Variants in DLGAP1 observed in about 807,000 individuals in gnomAD.
DLGAP1 encodes the protein disks large-associated protein 1.
A neutral mutation model predicts 90.8 loss-of-function variants in DLGAP1; 11 were observed. The ratio of observed to expected loss-of-function variants is 0.12; its 90% CI spans 0.08 to 0.20. The LOEUF (loss-of-function observed/expected upper bound fraction) is 0.20, where lower values mean the gene tolerates loss of function less well. Among genes scored for constraint, DLGAP1 ranks in the 10% least tolerant of loss-of-function variants. The pLI, the probability that DLGAP1 is intolerant of heterozygous loss-of-function variation, is 1.00. For synonymous variants in DLGAP1, 558 were observed against 540.7 expected (o/e 1.03, Z -0.44); for missense variants, 1,050 against 1,333.8 (o/e 0.79, Z 3.31).
At chr18:3,695,320 GT>G (rs1448365203) in intron 7 of DLGAP1, among the ~76,000 whole-genome samples, 3 of 152,098 alleles carry the variant, frequency 2.0e-5, no homozygotes, top group Non-Finnish European at 4.4e-5. Context: ...TTCTTCTAGA[GT>G]TTTTACGGTT....
intron 5 of DLGAP1, among the ~76,000 whole-genome samples, chr18:3,791,972 T>C (rs1203734876): frequency 6.6e-6 from 1 of 152,132 alleles, no homozygotes; most frequent in Non-Finnish European, 1.5e-5. Context: ...AGCAAAGTAA[T>C]GTGTTAATCC....
chr18:4,321,131 T>C (rs951838278), intron 1 of DLGAP1, among the ~76,000 whole-genome samples: 13 of 152,214 alleles, frequency 8.5e-5, no homozygotes, highest in African/African-American at 3.1e-4. Context: ...AAAAACATCA[T>C]TTTCCATATG....
At chr18:3,773,416 A>G (rs1256058230) in intron 5 of DLGAP1, among the ~76,000 whole-genome samples, 1 of 152,250 alleles carries the variant, frequency 6.6e-6, no homozygotes, top group East Asian at 1.9e-4. Flanking sequence ...CAGTAGATAA[A>G]TATTTATGGA....
At chr18:3,876,883 A>G (rs1476329609) in intron 4 of DLGAP1, among the ~76,000 whole-genome samples, 2 of 152,216 alleles carry the variant, frequency 1.3e-5, no homozygotes, top group Non-Finnish European at 2.9e-5. Flanking sequence ...TTCTCATTTT[A>G]CTGAAAAACT....
intron 3 of DLGAP1, among the ~76,000 whole-genome samples, chr18:3,937,007 G>T (rs1319351546): frequency 6.6e-6 from 1 of 152,176 alleles, no homozygotes; most frequent in Admixed American, 6.5e-5. Flanking sequence ...AACTAATGGA[G>T]GAGCACGTGG....
In DLGAP1 at chr18:4,093,706, G is replaced by A. The variant is rs374404573; in HGVS notation, c.-159+57474C>T. 1.6e-3 allele frequency among the ~76,000 whole-genome samples: 245 copies of A among 152,246 alleles called. 2 individuals carry two copies. In the South Asian group the frequency reaches 0.027, roughly 17 times the overall value. On this transcript the variant is annotated intron_variant, in intron 2 of 12. Coordinates refer to ENST00000315677, the MANE Select transcript of DLGAP1 (RefSeq NM_004746.4). ...GTGTCTGTTACTCACTGAATAGTTA[G>A]GGGCATGGTAGCTGTTCTCTTCCTC...
intron 4 of DLGAP1, chr18:3,878,075 C>T (rs939374647): frequency 6.6e-6 from 1 of 152,020 alleles, no homozygotes; most frequent in African/African-American, 2.4e-5. Flanking sequence ...AAGATGAACT[C>T]CTCAAAGGAA....
intron 7 of DLGAP1, among the ~76,000 whole-genome samples, chr18:3,609,167 C>CAG (rs2057473561): frequency 2.0e-5 from 2 of 98,398 alleles, no homozygotes; most frequent in Non-Finnish European, 4.7e-5. Context: ...CCTCAGCCTC[C>CAG]CAAGTAGCTG....
chr18:3,710,618 A>G (rs1241121356), intron 7 of DLGAP1, among the ~76,000 whole-genome samples: 2 of 152,242 alleles, frequency 1.3e-5, no homozygotes. Flanking sequence ...TAAGAGCTGG[A>G]GGCATAGTAG....
intron 1 of DLGAP1, among the ~76,000 whole-genome samples, chr18:4,288,452 T>A (rs1423105277): frequency 6.6e-6 from 1 of 152,188 alleles, no homozygotes; most frequent in Non-Finnish European, 1.5e-5. Flanking sequence ...TATGTTCGTT[T>A]CTTCAAAGAA....
In DLGAP1 at chr18:4,267,811, T is replaced by C. The variant is rs183195783; in HGVS notation, c.-266-116524A>G. ...GCTGTTGACAAGAGGCTTCACTTCC[T>C]CACTGCGTAGGTCTCTCCACAGGGC... On this transcript the variant is annotated intron_variant, in intron 1 of 12. Transcript: ENST00000315677. Among the ~76,000 whole-genome samples, 115 of 152,300 alleles carry C rather than the reference T, an allele frequency of 7.6e-4. 1 individual carries two copies. The highest frequency in any genetic ancestry group is 3.4e-3 in the Middle Eastern group (1 of 294).
chr18:4,171,009 G>A (rs558114092), intron 1 of DLGAP1, among the ~76,000 whole-genome samples: 192 of 151,914 alleles, frequency 1.3e-3, no homozygotes, highest in Non-Finnish European at 1.9e-3. Context: ...GAGTATATGC[G>A]CTCATATATG....
chr18:4,338,497 G>A (rs2081120358), intron 1 of DLGAP1, among the ~76,000 whole-genome samples: 1 of 152,122 alleles, frequency 6.6e-6, no homozygotes, highest in Non-Finnish European at 1.5e-5. Flanking sequence ...TGATTATATT[G>A]ATCCTTCAGG....
chr18:4,432,818 A>G (rs1303439081), intron 1 of DLGAP1, among the ~76,000 whole-genome samples: 3 of 152,132 alleles, frequency 2.0e-5, no homozygotes, highest in Non-Finnish European at 2.9e-5. Flanking sequence ...ATAATTCTAT[A>G]AAGATCTAAG....
intron 2 of DLGAP1, among the ~76,000 whole-genome samples, chr18:4,082,291 G>A (rs1037270782): frequency 7.0e-6 from 1 of 143,314 alleles, no homozygotes; most frequent in Non-Finnish European, 1.5e-5. Context: ...GCAGTGAGCC[G>A]AGATTGCACC....
At chr18:3,772,310 C>T (rs78906776) in intron 5 of DLGAP1, among the ~76,000 whole-genome samples, 26,076 of 100,144 alleles carry the variant, frequency 0.26, 3,301 homozygotes, top group African/African-American at 0.28. Flanking sequence ...TCTTTCTCTC[C>T]TTCCTTCCTT....
intron 7 of DLGAP1, among the ~76,000 whole-genome samples, chr18:3,625,369 A>G (rs931232526): frequency 3.3e-5 from 5 of 151,938 alleles, no homozygotes; most frequent in Admixed American, 6.6e-5. Context: ...GGAAGGAGAG[A>G]CCTCCTCAGG....
chr18:4,003,619 G>A (rs1311831305), intron 3 of DLGAP1, among the ~76,000 whole-genome samples: 1 of 152,098 alleles, frequency 6.6e-6, no homozygotes, highest in Admixed American at 6.5e-5. Context: ...TGGGGTGAAA[G>A]TGTCTCCATC....
intron 1 of DLGAP1, among the ~76,000 whole-genome samples, chr18:4,172,691 T>C (rs1318395996): frequency 1.3e-5 from 2 of 152,178 alleles, no homozygotes; most frequent in African/African-American, 4.8e-5. Context: ...CCATCCCCCA[T>C]AGCAACAGAG....
Sources: gnomAD v4.1 joint callset for allele counts (sites outside exome capture counted in the v4.1 genomes callset) on GRCh38, gnomAD v4.1.1 for gene constraint, MANE v1.5 for transcripts, NCBI Gene and HGNC (gene_info 2026-07-23, HGNC 2026-07-21) for gene names.